THSD7B: variants seen among roughly 807,000 people sequenced by gnomAD.
THSD7B encodes thrombospondin type 1 domain containing 7B.
In THSD7B, 138 loss-of-function variants were observed where a neutral mutation model predicts 213.6. That is an observed-to-expected ratio of 0.65 (90% CI 0.56 to 0.74). THSD7B has a LOEUF of 0.74. Among genes scored for constraint, THSD7B ranks in the 30% least tolerant of loss-of-function variants. The pLI is 0.00. For missense variants in THSD7B, 1,931 were observed against 1,991.5 expected, an observed-to-expected ratio of 0.97 and a Z score of 0.58; for synonymous variants, 742 against 687.0, an observed-to-expected ratio of 1.08 and a Z score of -1.25.
intron 12 of THSD7B, among the ~76,000 whole-genome samples, chr2:137,349,394 A>T (rs1252765197): frequency 6.6e-6 from 1 of 151,852 alleles, no homozygotes; most frequent in African/African-American, 2.4e-5. Context: ...GCTGGGAAAC[A>T]GTACCCCAAT....
intron 14 of THSD7B, among the ~76,000 whole-genome samples, chr2:137,413,361 G>C (rs1686714560): frequency 6.6e-6 from 1 of 152,196 alleles, no homozygotes; most frequent in African/African-American, 2.4e-5. Context: ...TCTATGACTT[G>C]AGTGTACAGT....
At chr2:137,007,519 C>T (rs1686140511) in intron 2 of THSD7B, among the ~76,000 whole-genome samples, 2 of 152,096 alleles carry the variant, frequency 1.3e-5, no homozygotes, top group Admixed American at 1.3e-4. Flanking sequence ...GAATAAACAA[C>T]TCATGGAGAA....
intron 14 of THSD7B, among the ~76,000 whole-genome samples, chr2:137,443,218 A>G (rs1264690120): frequency 2.6e-5 from 4 of 152,112 alleles, no homozygotes; most frequent in Non-Finnish European, 5.9e-5. Flanking sequence ...AACAACTGAG[A>G]TACCATTGTG....
chr2:137,482,413 TA>T (rs1688328326), intron 15 of THSD7B, among the ~76,000 whole-genome samples: 1 of 152,202 alleles, frequency 6.6e-6, no homozygotes, highest in African/African-American at 2.4e-5. Context: ...TAGGACTTAA[TA>T]AAACTTCTAA....
At chr2:137,003,401 G>A (rs1211583104) in intron 2 of THSD7B, among the ~76,000 whole-genome samples, 11 of 152,192 alleles carry the variant, frequency 7.2e-5, no homozygotes, top group Admixed American at 6.5e-4. Flanking sequence ...GTAACAGAAA[G>A]TAGAGATAGG....
intron 1 of THSD7B, among the ~76,000 whole-genome samples, chr2:136,826,174 G>A (rs1481380860): frequency 6.6e-6 from 1 of 152,046 alleles, no homozygotes; most frequent in Non-Finnish European, 1.5e-5. Flanking sequence ...TAGTTATAAT[G>A]ATTGAATTGG....
intron 5 of THSD7B, among the ~76,000 whole-genome samples, chr2:137,127,131 G>A (rs1008526425): frequency 1.1e-4 from 17 of 152,120 alleles, no homozygotes; most frequent in African/African-American, 2.9e-4. Context: ...ATCACAAAGC[G>A]GGCACATGCT....
chr2:137,181,819 C>T (rs1315007913), intron 7 of THSD7B, among the ~76,000 whole-genome samples: 12 of 152,118 alleles, frequency 7.9e-5, no homozygotes, highest in Non-Finnish European at 1.5e-4. Context: ...CCCCATAAGG[C>T]ATGGTGATAT....
At chr2:137,218,661 A>G (rs1171515738) in intron 7 of THSD7B, among the ~76,000 whole-genome samples, 1 of 152,158 alleles carries the variant, frequency 6.6e-6, no homozygotes, top group Admixed American at 6.5e-5. Context: ...TGATATATGC[A>G]TATCATTAAT....
At chr2:137,337,271 T>C (rs918157494) in intron 12 of THSD7B, among the ~76,000 whole-genome samples, 2 of 152,054 alleles carry the variant, frequency 1.3e-5, no homozygotes, top group African/African-American at 4.8e-5. Flanking sequence ...TTGTCATGCA[T>C]TCTTAGTTTT....
intron 2 of THSD7B, among the ~76,000 whole-genome samples, chr2:136,887,663 A>G (rs1368311551): frequency 6.6e-6 from 1 of 152,106 alleles, no homozygotes; most frequent in African/African-American, 2.4e-5. Flanking sequence ...AGGTCTCACC[A>G]GAAGCAGATG....
At chr2:137,104,074 T>C (rs1037766210) in intron 4 of THSD7B, among the ~76,000 whole-genome samples, 1 of 151,844 alleles carries the variant, frequency 6.6e-6, no homozygotes, top group Non-Finnish European at 1.5e-5. Flanking sequence ...ATCAACAGAA[T>C]ATACATTCTT....
At chr2:136,839,019 T>C (rs1233247102) in intron 1 of THSD7B, among the ~76,000 whole-genome samples, 6 of 152,300 alleles carry the variant, frequency 3.9e-5, no homozygotes, top group Non-Finnish European at 8.8e-5. Context: ...ATAGTTCAAG[T>C]GAGAGAATGC....
Position 137,655,504 on chromosome 2 carries a change from G to A in THSD7B, c.3949G>A (p.Gly1317Arg). ...GNWSACKLEG[G>R]DCGEGVQIRS... ...AAAGTATCCTTTCCTCTCATAGGGT[G>A]GAGACTGTGGGGAAGGAGTTCAGAT... The change falls in exon 22 of 28, where the codon GGA (glycine) becomes AGA (arginine). Residue 1317 changes from glycine to arginine, a missense_variant. Gly to Arg is a moderately radical substitution (Grantham distance 125). Transcript: ENST00000409968. 2 of 1,610,756 alleles carry A rather than the reference G, an allele frequency of 1.2e-6. No individual in the cohort carries two copies. Among genetic ancestry groups the A allele is most frequent in the Non-Finnish European group, 8.5e-7 (1 of 1,178,434 alleles).
At chr2:136,970,765 A>G (rs1685391969) in intron 2 of THSD7B, among the ~76,000 whole-genome samples, 2 of 152,200 alleles carry the variant, frequency 1.3e-5, no homozygotes, top group Admixed American at 1.3e-4. Context: ...AGAATACCAG[A>G]CATAAAGAGA....
intron 5 of THSD7B, among the ~76,000 whole-genome samples, chr2:137,135,667 G>A (rs1679438754): frequency 5.3e-5 from 8 of 152,114 alleles, no homozygotes; most frequent in Admixed American, 4.6e-4. Context: ...ACCCTGGGAA[G>A]AGCAGAACCA....
intron 12 of THSD7B, among the ~76,000 whole-genome samples, chr2:137,385,765 A>T (rs79540903): frequency 0.031 from 4,737 of 152,300 alleles, 238 homozygotes; most frequent in African/African-American, 0.11. Flanking sequence ...TTCTGCCACC[A>T]TATTCCATCC....
intron 16 of THSD7B, among the ~76,000 whole-genome samples, chr2:137,570,954 AT>A (rs1391876199): frequency 6.6e-6 from 1 of 152,240 alleles, no homozygotes; most frequent in Non-Finnish European, 1.5e-5. Flanking sequence ...ATTTTGAAAA[AT>A]AATTATAAAA....
In THSD7B at chr2:137,439,406, A is replaced by G. The variant is rs536955652; in HGVS notation, c.2960-11439A>G. Among the ~76,000 whole-genome samples, 442 of 152,234 alleles carry G rather than the reference A, an allele frequency of 2.9e-3. 2 individuals carry two copies. The highest frequency in any genetic ancestry group is 0.01 in the African/African-American group (421 of 41,556). ...TTCTGGCTATTTAATTTTTTGAAGA[A>G]CATAAAATTAAATAAATAAATTGAA... On this transcript the variant is annotated intron_variant, in intron 14 of 27. Coordinates refer to ENST00000409968, the MANE Select transcript of THSD7B (RefSeq NM_001316349.2).
Sources: gnomAD v4.1 joint callset for allele counts (sites outside exome capture counted in the v4.1 genomes callset) on GRCh38, gnomAD v4.1.1 for gene constraint, MANE v1.5 for transcripts, NCBI Gene and HGNC (gene_info 2026-07-23, HGNC 2026-07-21) for gene names.